GATAD2A: variants seen among roughly 807,000 people sequenced by gnomAD.
GATAD2A encodes transcriptional repressor p66-alpha.
Under a neutral mutation model 68.5 loss-of-function variants are expected in GATAD2A, and 12 were observed. The ratio of observed to expected loss-of-function variants is 0.18; its 90% CI spans 0.11 to 0.28. The LOEUF is 0.28. Among genes scored for constraint, GATAD2A ranks in the 10% least tolerant of loss-of-function variants. GATAD2A has a pLI of 1.00. For synonymous variants in GATAD2A, 410 were observed against 375.3 expected, an observed-to-expected ratio of 1.09 and a Z score of -1.07; for missense variants, 755 against 868.5, an observed-to-expected ratio of 0.87 and a Z score of 1.64.
chr19:19,420,005 C>CTTTTT (rs397859927), intron 1 of GATAD2A, among the ~76,000 whole-genome samples: 1,065 of 68,688 alleles, frequency 0.016, 201 homozygotes, highest in African/African-American at 0.072. Flanking sequence ...ACCATCTTGA[C>CTTTTT]TTTTTTTTTT....
chr19:19,452,437 T>TC (rs1470437918), intron 1 of GATAD2A, among the ~76,000 whole-genome samples: 1 of 152,130 alleles, frequency 6.6e-6, no homozygotes, highest in African/African-American at 2.4e-5. Context: ...ATGTGTTAGT[T>TC]CCGTCTCCTG....
chr19:19,414,587 G>C (rs993493866), intron 1 of GATAD2A, among the ~76,000 whole-genome samples: 2 of 140,784 alleles, frequency 1.4e-5, no homozygotes, highest in Non-Finnish European at 3.0e-5. Context: ...GTCCAGTCTG[G>C]AGGGCAGTGG....
At chr19:19,446,890 C>G (rs890693578) in intron 1 of GATAD2A, among the ~76,000 whole-genome samples, 1 of 152,166 alleles carries the variant, frequency 6.6e-6, no homozygotes. Context: ...TGATCATTAT[C>G]TTTTCTGTCA....
chr19:19,410,130 A>G (rs2050746396), intron 1 of GATAD2A, among the ~76,000 whole-genome samples: 1 of 152,146 alleles, frequency 6.6e-6, no homozygotes, highest in Admixed American at 6.5e-5. Flanking sequence ...CTCAGCCTCC[A>G]GAGGCACCTT....
upstream of GATAD2A, among the ~76,000 whole-genome samples, chr19:19,405,104 C>A (rs1200482400): frequency 6.6e-6 from 1 of 152,080 alleles, no homozygotes; most frequent in East Asian, 1.9e-4. Context: ...GGCACGAGGG[C>A]AGATTGGGAG....
chr19:19,422,576 C>T (rs1452703294), intron 1 of GATAD2A, among the ~76,000 whole-genome samples: 1 of 152,194 alleles, frequency 6.6e-6, no homozygotes, highest in African/African-American at 2.4e-5. Context: ...GGACAGTTGA[C>T]AGTTCTGTGA....
intron 2 of GATAD2A, among the ~76,000 whole-genome samples, chr19:19,474,527 G>A (rs555581242): frequency 3.3e-5 from 5 of 152,254 alleles, no homozygotes; most frequent in African/African-American, 1.2e-4. Context: ...GAGTGTTTTG[G>A]GATTTGCCCC....
At chr19:19,434,724 G>A (rs1322829690) in intron 1 of GATAD2A, among the ~76,000 whole-genome samples, 2 of 152,142 alleles carry the variant, frequency 1.3e-5, no homozygotes, top group Non-Finnish European at 2.9e-5. Flanking sequence ...GATACAAACC[G>A]GAAGTGGAAG....
chr19:19,415,292 A>T (rs2051467717), intron 1 of GATAD2A, among the ~76,000 whole-genome samples: 1 of 151,780 alleles, frequency 6.6e-6, no homozygotes, highest in Non-Finnish European at 1.5e-5. Flanking sequence ...AGCTGGGATT[A>T]CAGGCATGTG....
upstream of GATAD2A, among the ~76,000 whole-genome samples, chr19:19,404,154 CG>C (rs913201461): frequency 2.7e-4 from 41 of 151,158 alleles, no homozygotes; most frequent in African/African-American, 9.8e-4. Flanking sequence ...TGTGAGGTGG[CG>C]GGGTGGAATA....
In GATAD2A at chr19:19,465,403, A is replaced by T. The variant is rs568361068; in HGVS notation, c.58A>T (p.Thr20Ser). The change falls in exon 2 of 12, where the codon ACA becomes TCA. Residue 20 changes from threonine to serine, a missense_variant. Thr to Ser is a moderately conservative substitution (Grantham distance 58). Transcript: ENST00000683918. ...GAAACGAGCGCTTGAACGGGACCCAACAGAGGACGATGTGGAGAGCAAGAA... is the reference window on the plus strand; with the variant it reads ...GAAACGAGCGCTTGAACGGGACCCATCAGAGGACGATGTGGAGAGCAAGAA... ...SQKRALERDP[T>S]EDDVESKKIK... 1 of 1,613,954 alleles carries T rather than the reference A, an allele frequency of 6.2e-7. No individual in the cohort carries two copies. Among genetic ancestry groups the T allele is most frequent in the African/African-American group, 1.3e-5 (1 of 75,062 alleles).
intron 1 of GATAD2A, among the ~76,000 whole-genome samples, chr19:19,439,057 C>T (rs941532059): frequency 6.6e-5 from 10 of 152,244 alleles, no homozygotes; most frequent in African/African-American, 2.4e-4. Flanking sequence ...TCCTGTCACC[C>T]AGGACCACAT....
chr19:19,438,806 T>C (rs1001697549), intron 1 of GATAD2A, among the ~76,000 whole-genome samples: 3 of 152,226 alleles, frequency 2.0e-5, no homozygotes, highest in African/African-American at 7.2e-5. Context: ...TGGCACATGA[T>C]ACTTAGTGGT....
intron 2 of GATAD2A, among the ~76,000 whole-genome samples, chr19:19,471,989 C>T (rs567642697): frequency 1.4e-4 from 21 of 152,350 alleles, no homozygotes; most frequent in Admixed American, 7.2e-4. Context: ...TTGAACACCT[C>T]GGCTCAAGCC....
intron 8 of GATAD2A, among the ~76,000 whole-genome samples, chr19:19,499,065 G>T (rs2060344042): frequency 6.6e-6 from 1 of 152,236 alleles, no homozygotes; most frequent in African/African-American, 2.4e-5. Context: ...ATGTGGAGTT[G>T]TGACACACAG....
chr19:19,423,346 T>G (rs1466995792), intron 1 of GATAD2A, among the ~76,000 whole-genome samples: 1 of 152,250 alleles, frequency 6.6e-6, no homozygotes, highest in Non-Finnish European at 1.5e-5. Flanking sequence ...CGGCTGAGAT[T>G]TGCTGATAGA....
At chr19:19,424,669 G>C (rs915565656) in intron 1 of GATAD2A, among the ~76,000 whole-genome samples, 1 of 152,110 alleles carries the variant, frequency 6.6e-6, no homozygotes, top group African/African-American at 2.4e-5. Context: ...CATCATGCCT[G>C]GCCTGGCGCT....
At chr19:19,487,024 C>T (rs1291541316) in intron 2 of GATAD2A, among the ~76,000 whole-genome samples, 1 of 152,206 alleles carries the variant, frequency 6.6e-6, no homozygotes, top group Non-Finnish European at 1.5e-5. Context: ...CTCCAGGCCT[C>T]AGCTTGCTAA....
At chr19:19,494,860 C>T (rs528204131) in intron 5 of GATAD2A, among the ~76,000 whole-genome samples, 63 of 152,360 alleles carry the variant, frequency 4.1e-4, no homozygotes, top group South Asian at 2.9e-3. Context: ...GCCAGTGTCA[C>T]GTGAGAATGA....
Sources: allele counts gnomAD v4.1 joint callset (sites outside exome capture counted in the v4.1 genomes callset), GRCh38; gene constraint gnomAD v4.1.1; transcripts MANE v1.5; gene names NCBI Gene and HGNC (gene_info 2026-07-23, HGNC 2026-07-21).